The following CFAP300 variants were observed in gnomAD, a reference collection of about 807,000 sequenced individuals.
CFAP300 encodes cilia and flagella associated protein 300.
In CFAP300, 32 loss-of-function variants were observed where a neutral mutation model predicts 33.0. The observed-to-expected ratio is 0.97, with a 90% CI of 0.73 to 1.30. The LOEUF (loss-of-function observed/expected upper bound fraction) is 1.30, where lower values mean the gene tolerates loss of function less well. Ranked by LOEUF, CFAP300 falls within the 50% of genes most tolerant of loss-of-function variation. The probability of loss-of-function intolerance (pLI) is 0.00; values close to 1 mark genes in which losing one functional copy is unlikely to be tolerated. For missense variants in CFAP300, 356 were observed against 318.1 expected (o/e 1.12, Z -0.90); for synonymous variants, 102 against 106.8 (o/e 0.95, Z 0.28).
At chr11:102,082,925 C>T (rs556023713) in intron 6 of CFAP300, 146 bp from the exon 7 acceptor site, 3 of 222,254 alleles carry the variant, frequency 1.3e-5, no homozygotes, top group East Asian at 1.3e-4. Flanking sequence ...TGAACCCGTG[C>T]GGCAGAGGTT....
Position 102,069,673 on chromosome 11 carries a change from T to C in CFAP300, c.435+3022T>C, listed in dbSNP as rs182181209. Among the ~76,000 whole-genome samples the C allele has an allele frequency of 2.3e-3, 354 of 151,944 alleles. 1 individual carries two copies. Among genetic ancestry groups the C allele is most frequent in the African/African-American group, 7.8e-3 (322 of 41,468 alleles). On this transcript the variant is annotated intron_variant, in intron 4 of 6. Transcript: ENST00000434758. The stretch of plus-strand genomic sequence containing the variant: ...CAAAAATTAGCCAGACATGGTGGCA[T>C]GCGCCTGTAATCCCAGCTACTAGGG...
At chr11:102,066,307 A>G in intron 3 of CFAP300, among the ~76,000 whole-genome samples, 178 bp from the exon 4 acceptor site, 1 of 152,186 alleles carries the variant, frequency 6.6e-6, no homozygotes, top group Non-Finnish European at 1.5e-5. Flanking sequence ...AACAGAAATG[A>G]AGAAGCTACA....
intron 4 of CFAP300, among the ~76,000 whole-genome samples, chr11:102,074,063 A>G (rs1439553293): frequency 6.6e-6 from 1 of 152,162 alleles, no homozygotes; most frequent in Admixed American, 6.5e-5. Flanking sequence ...GGTACAAGAC[A>G]CCATGCAGAG....
chr11:102,080,900 A>G (rs547201324), intron 5 of CFAP300, among the ~76,000 whole-genome samples: 1 of 152,302 alleles, frequency 6.6e-6, no homozygotes, highest in African/African-American at 2.4e-5. Context: ...TTTACACTTC[A>G]GTCTGATTTT....
intron 3 of CFAP300, among the ~76,000 whole-genome samples, chr11:102,061,897 T>C (rs1056554332): frequency 1.3e-5 from 2 of 152,216 alleles, no homozygotes; most frequent in Non-Finnish European, 2.9e-5. Flanking sequence ...ATTACATGTC[T>C]TATAAATGCT....
intron 4 of CFAP300, among the ~76,000 whole-genome samples, chr11:102,075,476 C>G (rs1211970080): frequency 2.6e-5 from 4 of 152,148 alleles, no homozygotes; most frequent in Admixed American, 6.5e-5. Context: ...TAGAAAATGA[C>G]CGTTTAGTCT....
intron 4 of CFAP300, among the ~76,000 whole-genome samples, chr11:102,070,537 ATTTATT>A (rs909040119): frequency 2.6e-5 from 4 of 151,666 alleles, no homozygotes; most frequent in African/African-American, 9.7e-5. Context: ...TTGTTTATTT[ATTTATT>A]TTTGTCTCTA....
intron 3 of CFAP300, among the ~76,000 whole-genome samples, chr11:102,063,171 C>A (rs912633282): frequency 7.2e-5 from 11 of 152,246 alleles, no homozygotes; most frequent in African/African-American, 2.7e-4. Context: ...GCCTTCAGGG[C>A]TCTACCGCCA....
At chr11:102,073,173 T>A (rs1021859780) in intron 4 of CFAP300, among the ~76,000 whole-genome samples, 15 of 152,086 alleles carry the variant, frequency 9.9e-5, no homozygotes, top group Non-Finnish European at 1.8e-4. Context: ...TGTGTTTGGG[T>A]CCTCAGGCAG....
At chr11:102,058,274 T>G (rs896909078) in intron 2 of CFAP300, among the ~76,000 whole-genome samples, 1 of 151,954 alleles carries the variant, frequency 6.6e-6, no homozygotes, top group Non-Finnish European at 1.5e-5. Flanking sequence ...CTAAAGCTCT[T>G]TTTTATTTTA....
rs1216219054 is a variant in CFAP300, at chr11:102,083,167, T to C, written c.772T>C (p.Tyr258His). 3 of 1,553,630 alleles carry C rather than the reference T, an allele frequency of 1.9e-6. No individual in the cohort carries two copies. Among genetic ancestry groups the C allele is most frequent in the Admixed American group, 3.6e-5 (2 of 55,344 alleles). Residue 258 changes from tyrosine (Y) to histidine (H), a missense_variant, in exon 7 of 7, where the codon TAC becomes CAC. Transcript: ENST00000434758. ...TATCAGGCGTCACCTTCATGTTTTA[T>C]ACCACTGTTATGGTGTGGGAGACAT... Reference protein sequence around the residue: ...DPIRRHLHVLYHCYGVGDMS With the variant: ...DPIRRHLHVLHHCYGVGDMS
intron 3 of CFAP300, among the ~76,000 whole-genome samples, chr11:102,060,314 G>T (rs1480257769): frequency 2.0e-5 from 3 of 147,568 alleles, no homozygotes; most frequent in Non-Finnish European, 4.5e-5. Flanking sequence ...ATAGGGTTTC[G>T]CCATGTTGGC....
intron 3 of CFAP300, among the ~76,000 whole-genome samples, chr11:102,059,388 T>A (rs962018838): frequency 6.6e-6 from 1 of 151,748 alleles, no homozygotes; most frequent in Non-Finnish European, 1.5e-5. Flanking sequence ...GTGGCTCACG[T>A]CTGTAATCCC....
At chr11:102,082,941 G>A (rs1407982354) in intron 6 of CFAP300, 130 bp from the exon 7 acceptor site, 1 of 281,362 alleles carries the variant, frequency 3.6e-6, no homozygotes, top group East Asian at 1.1e-4. Flanking sequence ...AGGTTGCAGT[G>A]AGCCGAGATC....
chr11:102,053,207 C>A (rs757026704), intron 2 of CFAP300, among the ~76,000 whole-genome samples: 1 of 150,776 alleles, frequency 6.6e-6, no homozygotes, highest in East Asian at 1.9e-4. Context: ...CCAGCCTGGG[C>A]GACAGAGTGA....
At chr11:102,062,364 T>A (rs543646206) in intron 3 of CFAP300, among the ~76,000 whole-genome samples, 2 of 152,254 alleles carry the variant, frequency 1.3e-5, no homozygotes, top group South Asian at 4.2e-4. Flanking sequence ...CCTAAGAATG[T>A]GGAAGTGGCT....
At chr11:102,069,723 A>C (rs1942281709) in intron 4 of CFAP300, among the ~76,000 whole-genome samples, 1 of 152,124 alleles carries the variant, frequency 6.6e-6, no homozygotes. Flanking sequence ...GAATCGCTTG[A>C]ACCCAGGAGG....
At chr11:102,050,298 C>T (rs978742159) in intron 2 of CFAP300, among the ~76,000 whole-genome samples, 2 of 152,092 alleles carry the variant, frequency 1.3e-5, no homozygotes, top group South Asian at 4.2e-4. Flanking sequence ...GCTTAAAATT[C>T]AGAAAGGTTA....
In CFAP300 at chr11:102,066,614, T is replaced by C. The variant is rs1376012338; in HGVS notation, c.398T>C (p.Phe133Ser). ...SGHIVKCLDS[F>S]CDPFLISDEL... ...CATATTGTTAAATGTTTAGATTCTT[T>C]TTGTGATCCATTTCTCATTTCTGAT... is the stretch of plus-strand genomic sequence containing the variant. The change falls in exon 4 of 7, where the codon TTT (phenylalanine) becomes TCT (serine). Residue 133 changes from phenylalanine (F) to serine (S), a missense_variant. Physicochemically the swap from Phe to Ser is radical, Grantham distance 155. Transcript: ENST00000434758. 9.3e-6 allele frequency: 15 copies of C among 1,608,452 alleles called. No individual in the cohort carries two copies. Among genetic ancestry groups the C allele is most frequent in the Non-Finnish European group, 1.2e-5 (14 of 1,178,774 alleles).
Sources: allele counts gnomAD v4.1 joint callset (sites outside exome capture counted in the v4.1 genomes callset), GRCh38; gene constraint gnomAD v4.1.1; transcripts MANE v1.5; gene names NCBI Gene and HGNC (gene_info 2026-07-23, HGNC 2026-07-21).